CFAP54: variants seen among roughly 807,000 people sequenced by gnomAD.
The protein encoded by CFAP54 is cilia and flagella associated protein 54, also known as cilia- and flagella-associated protein 54.
In CFAP54, 290 loss-of-function variants were observed where a neutral mutation model predicts 370.4. The observed-to-expected ratio is 0.78, with a 90% CI of 0.71 to 0.86. CFAP54 has a LOEUF of 0.86. Ranked by LOEUF, CFAP54 falls within the 40% of genes least tolerant of loss-of-function variation. The probability of loss-of-function intolerance (pLI) is 0.00; values close to 1 mark genes in which losing one functional copy is unlikely to be tolerated. For synonymous variants in CFAP54, 1,206 were observed against 1,236.5 expected (o/e 0.98, Z 0.52); for missense variants, 3,399 against 3,528.7 (o/e 0.96, Z 0.93).
chr12:96,863,526 C>T (rs1018139136), intron 67 of CFAP54, among the ~76,000 whole-genome samples: 3 of 152,184 alleles, frequency 2.0e-5, no homozygotes, highest in Admixed American at 6.5e-5. Context: ...AGCTCTTCAT[C>T]GCTAAGCTGG....
intron 26 of CFAP54, among the ~76,000 whole-genome samples, chr12:96,603,031 G>A (rs1021547181): frequency 2.6e-5 from 4 of 152,182 alleles, no homozygotes; most frequent in African/African-American, 9.7e-5. Flanking sequence ...CCCGTTAATT[G>A]ATACACTTTC....
At chr12:96,849,827 C>T (rs956725727) in intron 66 of CFAP54, among the ~76,000 whole-genome samples, 5 of 152,216 alleles carry the variant, frequency 3.3e-5, no homozygotes, top group African/African-American at 1.2e-4. Context: ...AAATCATCAC[C>T]ATTTCTTTCA....
At chr12:96,578,911 T>C (rs1398352726) in intron 20 of CFAP54, among the ~76,000 whole-genome samples, 1 of 152,244 alleles carries the variant, frequency 6.6e-6, no homozygotes, top group Non-Finnish European at 1.5e-5. Context: ...GTCTCTACCC[T>C]TATGTAGATT....
intron 39 of CFAP54, 98 bp from the exon 40 acceptor site, chr12:96,679,502 T>C (rs1227619917): frequency 1.5e-6 from 2 of 1,337,738 alleles, no homozygotes; most frequent in African/African-American, 3.0e-5. Flanking sequence ...CGGCTTTAGG[T>C]TGGGACCAAG....
At chr12:96,632,371 G>C (rs1956618867) in intron 32 of CFAP54, among the ~76,000 whole-genome samples, 1 of 151,760 alleles carries the variant, frequency 6.6e-6, no homozygotes, top group South Asian at 2.1e-4. Flanking sequence ...TATTCTCTTT[G>C]TAAATTTAAA....
chr12:96,682,169 A>C (rs1176781632), intron 40 of CFAP54: 1 of 984,964 alleles, frequency 1.0e-6, no homozygotes, highest in Non-Finnish European at 1.2e-6. Context: ...AATGATTCAA[A>C]ATGTACTTCT....
intron 11 of CFAP54, 61 bp downstream of exon 11, chr12:96,534,288 A>G: frequency 2.1e-6 from 2 of 954,880 alleles, no homozygotes; most frequent in Non-Finnish European, 1.5e-6. Flanking sequence ...TTTTATAGAT[A>G]TGGTGAGAGA....
At chr12:96,757,420 G>T in intron 57 of CFAP54, 75 bp from the exon 58 acceptor site, 1 of 802,566 alleles carries the variant, frequency 1.2e-6, no homozygotes, top group Non-Finnish European at 1.9e-6. Flanking sequence ...CATCAGCTCA[G>T]AAATTGTTGG....
intron 50 of CFAP54, among the ~76,000 whole-genome samples, chr12:96,725,515 C>T (rs1957821819): frequency 6.6e-6 from 1 of 151,930 alleles, no homozygotes; most frequent in Admixed American, 6.6e-5. Context: ...GTGATTTTTG[C>T]ACATTGATTT....
At chr12:96,826,917 T>A (rs1959120454) in intron 65 of CFAP54, among the ~76,000 whole-genome samples, 2 of 129,606 alleles carry the variant, frequency 1.5e-5, no homozygotes, top group Admixed American at 1.8e-4. Context: ...TGCAATTATA[T>A]ATGATTATAT....
intron 66 of CFAP54, among the ~76,000 whole-genome samples, chr12:96,859,882 T>C (rs897549149): frequency 6.6e-6 from 1 of 152,170 alleles, no homozygotes; most frequent in Non-Finnish European, 1.5e-5. Context: ...GAAACATTGA[T>C]TATATTAGGA....
In CFAP54 at chr12:96,709,914, G is replaced by A. The variant is rs1458216873; in HGVS notation, c.6724+1111G>A. Among the ~76,000 whole-genome samples, 3 of 151,984 alleles carry A rather than the reference G, an allele frequency of 2.0e-5. No individual in the cohort carries two copies. The East Asian group carries it at 5.8e-4, about 29-fold the overall frequency. ...TTTTTGTGGTTTTCGTAGAGATAGG[G>A]TTTCACCATGTTGGCCAGGCTTGAA... On this transcript the variant is annotated intron_variant, in intron 48 of 67. Coordinates refer to ENST00000524981, the MANE Select transcript of CFAP54 (RefSeq NM_001306084.2).
chr12:96,526,208 C>T lies in CFAP54; in HGVS notation c.1159-1038C>T, dbSNP rs566892959. On this transcript the variant is annotated intron_variant, in intron 8 of 67. Transcript: ENST00000524981. ...ATTCTAGAAAAGCCTACTAAAACTA[C>T]GGTTCTTATTTACTGGCAAACTAAA... 6.6e-5 allele frequency among the ~76,000 whole-genome samples: 10 copies of T among 152,290 alleles called. 1 individual carries two copies. The highest frequency in any genetic ancestry group is 1.3e-4 in the Admixed American group (2 of 15,282).
At chr12:96,736,224 C>G (rs1957978799) in intron 50 of CFAP54, among the ~76,000 whole-genome samples, 1 of 152,182 alleles carries the variant, frequency 6.6e-6, no homozygotes, top group South Asian at 2.1e-4. Context: ...TCCATCTTCT[C>G]TCTTTCAGCA....
At position 96,805,869 on chromosome 12, in the gene CFAP54, G is replaced by T. The variant is rs1198665304; in HGVS notation, c.8851-5867G>T. Among the ~76,000 whole-genome samples, 8 of 151,718 alleles carry T rather than the reference G, an allele frequency of 5.3e-5. No individual in the cohort carries two copies. The East Asian group carries it at 1.6e-3, about 29-fold the overall frequency. On this transcript the variant is annotated intron_variant, in intron 63 of 67. Coordinates refer to ENST00000524981, the MANE Select transcript of CFAP54 (RefSeq NM_001306084.2). ...GTCCATCAGTAGAGGACTGGATAAA[G>T]AACTACTCAGCCATAAAAAATAATG...
intron 3 of CFAP54, among the ~76,000 whole-genome samples, chr12:96,506,074 T>G (rs1955096716): frequency 1.3e-5 from 2 of 152,150 alleles, no homozygotes; most frequent in African/African-American, 2.4e-5. Context: ...GCGCGGTGGC[T>G]CACGCCTGTA....
intron 63 of CFAP54, among the ~76,000 whole-genome samples, chr12:96,800,050 G>A (rs1027057362): frequency 2.0e-5 from 3 of 152,156 alleles, no homozygotes; most frequent in Non-Finnish European, 4.4e-5. Context: ...GGAATACATA[G>A]TCGGGAAACA....
At chr12:96,643,557 A>G (rs1956757161) in intron 32 of CFAP54, among the ~76,000 whole-genome samples, 1 of 152,216 alleles carries the variant, frequency 6.6e-6, no homozygotes, top group Non-Finnish European at 1.5e-5. Context: ...AAACAACTAT[A>G]TAACTGTGCA....
At chr12:96,735,171 G>C (rs1957964347) in intron 50 of CFAP54, among the ~76,000 whole-genome samples, 1 of 152,114 alleles carries the variant, frequency 6.6e-6, no homozygotes. Context: ...GCTCCCCACG[G>C]AGATAGAAAA....
Sources: gnomAD v4.1 joint callset for allele counts (sites outside exome capture counted in the v4.1 genomes callset) on GRCh38, gnomAD v4.1.1 for gene constraint, MANE v1.5 for transcripts, NCBI Gene and HGNC (gene_info 2026-07-23, HGNC 2026-07-21) for gene names.